KLF7: variants seen among roughly 807,000 people sequenced by gnomAD.
The protein encoded by KLF7 is Krueppel-like factor 7.
A neutral mutation model predicts 27.3 loss-of-function variants in KLF7; 2 were observed. That is an observed-to-expected ratio of 0.07 (90% confidence interval 0.03 to 0.23). The LOEUF is 0.23. KLF7 is among the 10% of genes least tolerant of loss of function. The probability of loss-of-function intolerance (pLI) is 1.00; values close to 1 mark genes in which losing one functional copy is unlikely to be tolerated. For synonymous variants in KLF7, 165 were observed against 162.4 expected (o/e 1.02, Z -0.12); for missense variants, 221 against 394.1 (o/e 0.56, Z 3.72).
In KLF7 at chr2:207,076,546, A is replaced by T. The variant is rs2076179408; in HGVS notation, c.*4667T>A. On this transcript the variant is annotated 3_prime_UTR_variant, in exon 4 of 4. Coordinates refer to ENST00000309446, the MANE Select transcript of KLF7 (RefSeq NM_003709.4). ...TAGGAACCAACAGAGGAGATTTAAG[A>T]GTGTTAAAAGCAAGAAAAAACCCTG... 1 of 152,162 alleles carries T rather than the reference A, an allele frequency of 6.6e-6. No homozygotes were observed. Among genetic ancestry groups the T allele is most frequent in the South Asian group, 2.1e-4 (1 of 4,830 alleles). 9.4% of individuals were successfully genotyped at this position (152,162 alleles called of 1,614,324 possible).
At chr2:207,152,262 A>G (rs2078266148) in intron 1 of KLF7, among the ~76,000 whole-genome samples, 1 of 146,572 alleles carries the variant, frequency 6.8e-6, no homozygotes, top group East Asian at 1.9e-4. Context: ...AACTGGTTAC[A>G]TGTTTTTCTT....
chr2:207,090,981 T>C lies in KLF7; in HGVS notation c.734-2400A>G, dbSNP rs1188642868. 3.9e-5 allele frequency among the ~76,000 whole-genome samples: 6 copies of C among 152,290 alleles called. 2 individuals carry two copies. Among genetic ancestry groups the C allele is most frequent in the East Asian group, 1.9e-4 (1 of 5,170 alleles). On this transcript the variant is annotated intron_variant, in intron 2 of 3. Coordinates refer to ENST00000309446, the MANE Select transcript of KLF7 (RefSeq NM_003709.4). ...GAATGTAGTTAAAACTGGAGGTTCC[T>C]GGAACCTTGGGGACCAAACACACTT...
intron 1 of KLF7, among the ~76,000 whole-genome samples, chr2:207,150,997 TAAAAAAAA>T (rs34218929): frequency 1.1e-5 from 1 of 90,342 alleles, no homozygotes; most frequent in Non-Finnish European, 2.0e-5. Context: ...TTCTCTTTAT[TAAAAAAAA>T]AAAAAAAAAA....
intron 2 of KLF7, among the ~76,000 whole-genome samples, chr2:207,096,769 T>C (rs2076641322): frequency 1.3e-5 from 2 of 152,222 alleles, no homozygotes; most frequent in Non-Finnish European, 2.9e-5. Flanking sequence ...CCACAGTGGC[T>C]AGCACAAACG....
Position 207,081,113 on chromosome 2 carries a change from C to A in KLF7, c.*100G>T. The A allele has an allele frequency of 1.0e-6, 1 of 967,178 alleles. No individual in the cohort carries two copies. The allele number at this position is 967,178 out of a possible 1,614,324, so 59.9% of individuals were successfully genotyped here. ...GAGGTTTATAAGTGAGAACTTTCTT[C>A]TGCGAGGCAATGGGTCCCCGCCTGA... On this transcript the variant is annotated 3_prime_UTR_variant, in exon 4 of 4. Transcript: ENST00000309446.
intron 2 of KLF7, among the ~76,000 whole-genome samples, chr2:207,104,983 C>A (rs184815527): frequency 6.6e-6 from 1 of 152,308 alleles, no homozygotes; most frequent in Admixed American, 6.5e-5. Context: ...TCCCCTAGAA[C>A]CCATGGTCTC....
chr2:207,122,209 G>A (rs10204517), intron 2 of KLF7, among the ~76,000 whole-genome samples: 45,915 of 152,070 alleles, frequency 0.3, 7,515 homozygotes, highest in Admixed American at 0.42. Flanking sequence ...GTGGAGTGGT[G>A]AACTGGAACC....
At chr2:207,172,032 T>C (rs2078790824), upstream of KLF7, among the ~76,000 whole-genome samples, 1 of 152,230 alleles carries the variant, frequency 6.6e-6, no homozygotes, top group Non-Finnish European at 1.5e-5. Flanking sequence ...CCCCAATATG[T>C]ATGGCACCCT....
At chr2:207,130,878 T>C (rs1270780839) in intron 1 of KLF7, among the ~76,000 whole-genome samples, 2 of 152,202 alleles carry the variant, frequency 1.3e-5, no homozygotes, top group Non-Finnish European at 2.9e-5. Flanking sequence ...AATAAAGAAA[T>C]TGCAATTTTC....
upstream of KLF7, chr2:207,167,282 G>A: frequency 2.9e-6 from 2 of 685,432 alleles, no homozygotes; most frequent in Non-Finnish European, 4.1e-6. Context: ...GTTAGGGTTG[G>A]CCAATTGTTT....
intron 1 of KLF7, among the ~76,000 whole-genome samples, chr2:207,131,214 A>G (rs1270392914): frequency 1.3e-5 from 2 of 152,198 alleles, no homozygotes; most frequent in Admixed American, 1.3e-4. Flanking sequence ...CGAGGAAGGG[A>G]CAGACTTTGG....
rs2076234882 is a variant in KLF7 at position 207,079,635 on chromosome 2, T to TGA, written c.*1576_*1577dup. 6.6e-6 allele frequency: 1 copy of TGA among 152,140 alleles called. No homozygotes were observed. The highest frequency in any genetic ancestry group is 2.4e-5 in the African/African-American group (1 of 41,400). 9.4% of individuals were successfully genotyped at this position (152,140 alleles called of 1,614,324 possible). ...TAGATAGAGACCACTACTGGATGTG[T>TGA]GAGTGTGGCATGACAAGTAAGGACT... On this transcript the variant is annotated 3_prime_UTR_variant, in exon 4 of 4. Transcript: ENST00000309446.
chr2:207,129,565 C>T (rs1294009951), intron 1 of KLF7, among the ~76,000 whole-genome samples: 1 of 152,178 alleles, frequency 6.6e-6, no homozygotes, highest in African/African-American at 2.4e-5. Flanking sequence ...TTGAACTGCT[C>T]ATCTTGAAAC....
upstream of KLF7, chr2:207,166,898 C>A: frequency 9.4e-7 from 1 of 1,061,728 alleles, no homozygotes; most frequent in South Asian, 4.5e-5. Context: ...GCGGCCTGCG[C>A]CCGCCCCCCG....
chr2:207,121,141 T>C (rs967976791), intron 2 of KLF7: 1 of 152,234 alleles, frequency 6.6e-6, no homozygotes, highest in Non-Finnish European at 1.5e-5. Context: ...TTCTGCCTTA[T>C]TGCCAACTTC....
intron 1 of KLF7, among the ~76,000 whole-genome samples, chr2:207,151,372 C>A (rs1469409000): frequency 6.6e-6 from 1 of 151,568 alleles, no homozygotes; most frequent in Non-Finnish European, 1.5e-5. Flanking sequence ...GAAGCTCAGG[C>A]CAGTTATCCG....
intron 1 of KLF7, among the ~76,000 whole-genome samples, chr2:207,125,275 A>G (rs988734474): frequency 1.3e-5 from 2 of 152,260 alleles, no homozygotes; most frequent in Non-Finnish European, 2.9e-5. Flanking sequence ...CATGGCACTC[A>G]TAAGTTTTTG....
At chr2:207,167,121 T>G, upstream of KLF7, 3 of 1,433,034 alleles carry the variant, frequency 2.1e-6, no homozygotes. Context: ...CGAGGGGGCC[T>G]TTACGTGATG....
At position 207,077,454 on chromosome 2, in the gene KLF7, T is replaced by C. The variant is rs1282426270; in HGVS notation, c.*3759A>G. 12 of 152,072 alleles carry C rather than the reference T, an allele frequency of 7.9e-5. No homozygotes were observed. The highest frequency in any genetic ancestry group is 1.8e-4 in the Non-Finnish European group (12 of 68,028). The allele number at this position is 152,072 out of a possible 1,614,324, so 9.4% of individuals were successfully genotyped here. ...CCTGTTATCATCAGGCAATCAAAGATGTACAAAGGGCACAAGAGGTGCAGG... is the reference window on the plus strand; with the variant it reads ...CCTGTTATCATCAGGCAATCAAAGACGTACAAAGGGCACAAGAGGTGCAGG... On this transcript the variant is annotated 3_prime_UTR_variant, in exon 4 of 4. Transcript: ENST00000309446.
Sources: allele counts gnomAD v4.1 joint callset (sites outside exome capture counted in the v4.1 genomes callset), GRCh38; gene constraint gnomAD v4.1.1; transcripts MANE v1.5; gene names NCBI Gene and HGNC (gene_info 2026-07-23, HGNC 2026-07-21).